GPC6: variants seen among roughly 807,000 people sequenced by gnomAD.
The protein encoded by GPC6 is glypican-6.
GPC6 carries 14 observed loss-of-function variants against 55.2 expected under a neutral mutation model. That is an observed-to-expected ratio of 0.25 (90% CI 0.17 to 0.40). The LOEUF is 0.40. Among genes scored for constraint, GPC6 ranks in the 10% least tolerant of loss-of-function variants. The pLI is 1.00. For missense variants in GPC6, 641 were observed against 708.5 expected (o/e 0.90, Z 1.08); for synonymous variants, 278 against 259.6 (o/e 1.07, Z -0.68).
intron 3 of GPC6, among the ~76,000 whole-genome samples, chr13:94,018,892 T>G (rs900529982): frequency 6.6e-6 from 1 of 152,180 alleles, no homozygotes; most frequent in African/African-American, 2.4e-5. Context: ...AGAATCTAAC[T>G]AATGCTTGAT....
At chr13:93,735,315 A>G (rs1346981957) in intron 2 of GPC6, among the ~76,000 whole-genome samples, 1 of 152,222 alleles carries the variant, frequency 6.6e-6, no homozygotes, top group East Asian at 1.9e-4. Context: ...TGGGTGGATC[A>G]CGAGGTCAGG....
chr13:93,256,501 G>A (rs966276213), intron 1 of GPC6, among the ~76,000 whole-genome samples: 2 of 152,094 alleles, frequency 1.3e-5, no homozygotes, highest in Non-Finnish European at 2.9e-5. Context: ...CCCTTAGTCT[G>A]TAAACTCTGA....
At chr13:93,655,139 G>A (rs928782822) in intron 2 of GPC6, among the ~76,000 whole-genome samples, 2 of 150,694 alleles carry the variant, frequency 1.3e-5, no homozygotes, top group Admixed American at 6.7e-5. Flanking sequence ...GTGAGCCACC[G>A]CGCCCGGCCC....
rs943583088 is a variant in GPC6, at chr13:93,807,758, G to A, written c.320-22396G>A. Reference sequence around the variant, plus strand: ...CTGGTGTATGGTAGACTCCCGTAGGGTAGTAGTAGACTCACTTGCGATAAA... The same window carrying A: ...CTGGTGTATGGTAGACTCCCGTAGGATAGTAGTAGACTCACTTGCGATAAA... On this transcript the variant is annotated intron_variant, in intron 2 of 8. Coordinates refer to ENST00000377047, the MANE Select transcript of GPC6 (RefSeq NM_005708.5). Among the ~76,000 whole-genome samples the A allele has an allele frequency of 3.9e-5, 6 of 152,262 alleles. No homozygotes were observed. The South Asian group carries it at 8.3e-4, about 21-fold the overall frequency.
intron 3 of GPC6, among the ~76,000 whole-genome samples, chr13:93,990,960 A>AGAAGGAAGGAAG (rs148428200): frequency 0.012 from 1,772 of 150,400 alleles, 30 homozygotes; most frequent in African/African-American, 0.035. Context: ...AAGGAAGGAA[A>AGAAGGAAGGAAG]GAAGGAAGGA....
intron 1 of GPC6, among the ~76,000 whole-genome samples, chr13:93,316,908 G>A (rs1323993): frequency 0.59 from 90,010 of 151,864 alleles, 26,877 homozygotes; most frequent in East Asian, 0.77. Context: ...TTTAATTTCT[G>A]TAGCATATAC....
chr13:93,698,755 A>G (rs879794649), intron 2 of GPC6, among the ~76,000 whole-genome samples: 1 of 151,828 alleles, frequency 6.6e-6, no homozygotes, highest in Non-Finnish European at 1.5e-5. Flanking sequence ...TTAAAAACCA[A>G]TGTATTTGGC....
intron 4 of GPC6, among the ~76,000 whole-genome samples, chr13:94,144,140 G>A (rs1299051516): frequency 1.3e-5 from 2 of 152,030 alleles, no homozygotes; most frequent in African/African-American, 4.8e-5. Context: ...TAGCGCTGTT[G>A]TCCTATTTGC....
intron 2 of GPC6, among the ~76,000 whole-genome samples, chr13:93,629,819 T>C (rs990857268): frequency 6.6e-6 from 1 of 152,218 alleles, no homozygotes; most frequent in Non-Finnish European, 1.5e-5. Context: ...TTTTTCTTTC[T>C]TGACAAGAGT....
intron 4 of GPC6, among the ~76,000 whole-genome samples, chr13:94,113,722 A>C (rs796142217): frequency 1.3e-5 from 2 of 152,036 alleles, no homozygotes; most frequent in South Asian, 2.1e-4. Context: ...GGTGGCCTTT[A>C]TTAAACAGTG....
chr13:93,641,966 T>C (rs1368469929), intron 2 of GPC6, among the ~76,000 whole-genome samples: 1 of 152,056 alleles, frequency 6.6e-6, no homozygotes, highest in South Asian at 2.1e-4. Flanking sequence ...TATATAATTA[T>C]ACATAACTGT....
intron 1 of GPC6, among the ~76,000 whole-genome samples, chr13:93,374,863 C>T (rs1015114060): frequency 5.3e-5 from 8 of 152,144 alleles, no homozygotes; most frequent in African/African-American, 1.9e-4. Flanking sequence ...TTTCAGTCTT[C>T]TCATAAATAT....
intron 4 of GPC6, among the ~76,000 whole-genome samples, chr13:94,102,584 G>C (rs1010175661): frequency 6.6e-6 from 1 of 151,028 alleles, no homozygotes; most frequent in African/African-American, 2.4e-5. Context: ...CCTGCATTAT[G>C]CATCCTCAGT....
At position 94,404,314 on chromosome 13, in the gene GPC6, A is replaced by G. The variant is rs2139235802; in HGVS notation, c.*1097A>G. 1 of 152,270 alleles carries G rather than the reference A, an allele frequency of 6.6e-6. No individual in the cohort carries two copies. The highest frequency in any genetic ancestry group is 2.1e-4 in the South Asian group (1 of 4,820). 9.4% of individuals were successfully genotyped at this position (152,270 alleles called of 1,614,324 possible). ...AAAAAAAAGTCAAGACAAAAAATAT[A>G]TATATATAGTATTGACATGGAGATT... On this transcript the variant is annotated 3_prime_UTR_variant, in exon 9 of 9. Transcript: ENST00000377047.
chr13:93,856,823 A>G (rs1404114728), intron 3 of GPC6, among the ~76,000 whole-genome samples: 1 of 151,612 alleles, frequency 6.6e-6, no homozygotes, highest in Admixed American at 6.6e-5. Context: ...CTCTTGCTAC[A>G]TCATTAGCTG....
At chr13:93,379,008 A>G (rs1875042925) in intron 1 of GPC6, among the ~76,000 whole-genome samples, 1 of 151,864 alleles carries the variant, frequency 6.6e-6, no homozygotes, top group African/African-American at 2.4e-5. Flanking sequence ...AAAAAAAAAA[A>G]ATCAGCATAA....
intron 1 of GPC6, among the ~76,000 whole-genome samples, chr13:93,241,000 G>T (rs988784788): frequency 6.6e-6 from 1 of 152,138 alleles, no homozygotes; most frequent in African/African-American, 2.4e-5. Context: ...TTTTTGCTGG[G>T]AAGTCTGCCA....
At chr13:94,395,780 A>C (rs1482992823) in intron 7 of GPC6, among the ~76,000 whole-genome samples, 1 of 152,258 alleles carries the variant, frequency 6.6e-6, no homozygotes, top group Non-Finnish European at 1.5e-5. Flanking sequence ...GTAAAAGAAT[A>C]ACAGTAATGG....
rs556096284 is a variant in GPC6, at chr13:93,765,383, G to GA, written c.320-64766dup. Reference sequence around the variant, plus strand: ...GATGTTACAGTTGATAAAGATGCATGAAAAATGGCCAAACATAATATTTAA... The same window carrying GA: ...GATGTTACAGTTGATAAAGATGCATGAAAAAATGGCCAAACATAATATTTAA... On this transcript the variant is annotated intron_variant, in intron 2 of 8. Transcript: ENST00000377047. 2.7e-4 allele frequency among the ~76,000 whole-genome samples: 31 copies of GA among 114,552 alleles called. No homozygotes were observed. The East Asian group carries it at 4.8e-3, about 18-fold the overall frequency. The allele number at this position is 114,552 out of a possible 152,430, so 75.2% of individuals were successfully genotyped here. A position where few individuals can be genotyped will look rare whatever the true frequency, so the allele number is the denominator to read the frequency against.
Sources: allele counts gnomAD v4.1 joint callset (sites outside exome capture counted in the v4.1 genomes callset), GRCh38; gene constraint gnomAD v4.1.1; transcripts MANE v1.5; gene names NCBI Gene and HGNC (gene_info 2026-07-23, HGNC 2026-07-21).